SYNDIG1L: variants seen among roughly 807,000 people sequenced by gnomAD.
The protein encoded by SYNDIG1L is synapse differentiation-inducing gene protein 1-like.
SYNDIG1L carries 13 observed loss-of-function variants against 20.1 expected under a neutral mutation model. The ratio of observed to expected loss-of-function variants is 0.65; its 90% CI spans 0.42 to 1.03. The LOEUF (loss-of-function observed/expected upper bound fraction) is 1.03. SYNDIG1L is among the 50% of genes least tolerant of loss of function. The pLI is 0.00. For missense variants in SYNDIG1L, 294 were observed against 305.1 expected (o/e 0.96, Z 0.27); for synonymous variants, 128 against 129.3 (o/e 0.99, Z 0.07).
chr14:74,440,516 T>TTAA, the SYNDIG1L span, among the ~76,000 whole-genome samples: 2 of 97,224 alleles, frequency 2.1e-5, no homozygotes, highest in Non-Finnish European at 3.9e-5. Flanking sequence ...CTCCGTCTCA[T>TTAA]AAAAAAAAAA....
chr14:74,417,079 T>C (rs552766990), intron 1 of SYNDIG1L, among the ~76,000 whole-genome samples: 23 of 152,376 alleles, frequency 1.5e-4, no homozygotes, highest in African/African-American at 5.3e-4. Context: ...TCAAATGGGT[T>C]ATCTCATTTA....
the SYNDIG1L span, among the ~76,000 whole-genome samples, chr14:74,465,124 G>T: frequency 6.6e-6 from 1 of 152,176 alleles, no homozygotes; most frequent in African/African-American, 2.4e-5. Context: ...CCACCCATCT[G>T]GAGGGCTTCG....
intron 1 of SYNDIG1L, among the ~76,000 whole-genome samples, chr14:74,423,020 G>A (rs2086236078): frequency 6.6e-6 from 1 of 152,048 alleles, no homozygotes; most frequent in Non-Finnish European, 1.5e-5. Context: ...TAATGACCAT[G>A]TTGCATTTAT....
rs941675329 is a variant in SYNDIG1L, at chr14:74,407,413, C to A, written c.*122G>T. 7.9e-6 allele frequency: 11 copies of A among 1,395,050 alleles called. No homozygotes were observed. The highest frequency in any genetic ancestry group is 8.8e-6 in the Non-Finnish European group (9 of 1,023,774). The allele number at this position is 1,395,050 out of a possible 1,614,324, so 86.4% of individuals were successfully genotyped here. A position where few individuals can be genotyped will look rare whatever the true frequency, so the allele number is the denominator to read the frequency against. On this transcript the variant is annotated 3_prime_UTR_variant, in exon 4 of 4. Transcript: ENST00000331628. ...CAGGCTGTGGAATGGGGGTCTCCCCCTCAGCAAGCCACTCTCACGGGATCA... is the reference window on the plus strand; with the variant it reads ...CAGGCTGTGGAATGGGGGTCTCCCCATCAGCAAGCCACTCTCACGGGATCA...
At chr14:74,408,078 T>C in intron 2 of SYNDIG1L, 89 bp from the exon 3 acceptor site, 1 of 1,454,274 alleles carries the variant, frequency 6.9e-7, no homozygotes, top group East Asian at 2.4e-5. Context: ...CAATGCCCAG[T>C]GGCCAGTGAC....
the SYNDIG1L span, among the ~76,000 whole-genome samples, chr14:74,469,515 A>G: frequency 7.0e-6 from 1 of 142,226 alleles, no homozygotes; most frequent in African/African-American, 2.8e-5. Flanking sequence ...AACTTAAAGT[A>G]TAATAAAAAA....
upstream of SYNDIG1L, among the ~76,000 whole-genome samples, chr14:74,428,863 G>C (rs2086284508): frequency 6.6e-6 from 1 of 152,154 alleles, no homozygotes; most frequent in Non-Finnish European, 1.5e-5. Context: ...TGAAAACAGA[G>C]AGGAGAGATT....
the SYNDIG1L span, among the ~76,000 whole-genome samples, chr14:74,457,974 A>AT: frequency 6.6e-6 from 1 of 151,194 alleles, no homozygotes; most frequent in Non-Finnish European, 1.5e-5. Flanking sequence ...ATTTTTTTTT[A>AT]TTTTTTGTAG....
chr14:74,440,387 G>C, the SYNDIG1L span, among the ~76,000 whole-genome samples: 7 of 152,142 alleles, frequency 4.6e-5, no homozygotes, highest in South Asian at 6.2e-4. Context: ...GGTTGCAGGG[G>C]CCTGTAGTCC....
At chr14:74,451,885 G>A in the SYNDIG1L span, among the ~76,000 whole-genome samples, 1 of 151,566 alleles carries the variant, frequency 6.6e-6, no homozygotes, top group African/African-American at 2.4e-5. Context: ...AGCTACTTGG[G>A]AGGCTGAAGT....
At chr14:74,443,718 A>G in the SYNDIG1L span, among the ~76,000 whole-genome samples, 1 of 152,208 alleles carries the variant, frequency 6.6e-6, no homozygotes, top group African/African-American at 2.4e-5. Context: ...AAAATGCACT[A>G]AGCTCTCTTG....
chr14:74,421,300 C>T (rs1472941853), intron 1 of SYNDIG1L, among the ~76,000 whole-genome samples: 1 of 151,970 alleles, frequency 6.6e-6, no homozygotes, highest in Non-Finnish European at 1.5e-5. Context: ...TAAAGTAAGA[C>T]CTTTCAATGT....
chr14:74,440,041 T>C, the SYNDIG1L span, among the ~76,000 whole-genome samples: 1 of 152,100 alleles, frequency 6.6e-6, no homozygotes, highest in Non-Finnish European at 1.5e-5. Context: ...TTCAGTACAA[T>C]AGGAGATTAC....
chr14:74,447,414 C>A, the SYNDIG1L span, among the ~76,000 whole-genome samples: 13 of 152,000 alleles, frequency 8.6e-5, no homozygotes, highest in Non-Finnish European at 1.6e-4. Flanking sequence ...TGGTGAAACC[C>A]CGTGTCTAAT....
chr14:74,422,100 C>T (rs1271847178), intron 1 of SYNDIG1L, among the ~76,000 whole-genome samples: 1 of 152,210 alleles, frequency 6.6e-6, no homozygotes, highest in Non-Finnish European at 1.5e-5. Flanking sequence ...TGTCTCTCCG[C>T]TGAAGCAGCT....
the SYNDIG1L span, among the ~76,000 whole-genome samples, chr14:74,453,330 G>C: frequency 1.8e-5 from 2 of 111,712 alleles, no homozygotes; most frequent in African/African-American, 7.2e-5. Context: ...TCCAGCCTAG[G>C]CAATAGAGTG....
At chr14:74,442,854 T>A in the SYNDIG1L span, among the ~76,000 whole-genome samples, 3 of 152,140 alleles carry the variant, frequency 2.0e-5, no homozygotes, top group Non-Finnish European at 2.9e-5. Flanking sequence ...TTGTCCTGAA[T>A]GATGCCTGGG....
In SYNDIG1L at chr14:74,407,403, G is replaced by C. The variant is rs909143780; in HGVS notation, c.*132C>G. The C allele has an allele frequency of 5.8e-5, 75 of 1,286,508 alleles. No individual in the cohort carries two copies. Among genetic ancestry groups the C allele is most frequent in the Non-Finnish European group, 7.8e-5 (73 of 932,526 alleles). The allele number at this position is 1,286,508 out of a possible 1,614,324, so 79.7% of individuals were successfully genotyped here. On this transcript the variant is annotated 3_prime_UTR_variant, in exon 4 of 4. Coordinates refer to ENST00000331628, the MANE Select transcript of SYNDIG1L (RefSeq NM_001105579.2). Reference sequence around the variant, plus strand: ...CTGAGCTCTGCAGGCTGTGGAATGGGGGTCTCCCCCTCAGCAAGCCACTCT... The same window carrying C: ...CTGAGCTCTGCAGGCTGTGGAATGGCGGTCTCCCCCTCAGCAAGCCACTCT...
chr14:74,477,428 T>C, the SYNDIG1L span, among the ~76,000 whole-genome samples: 2 of 152,216 alleles, frequency 1.3e-5, no homozygotes, highest in Middle Eastern at 3.4e-3. Flanking sequence ...TCTTCCTATG[T>C]CTGGAGGGTG....
Sources: gnomAD v4.1 joint callset for allele counts (sites outside exome capture counted in the v4.1 genomes callset) on GRCh38, gnomAD v4.1.1 for gene constraint, MANE v1.5 for transcripts, NCBI Gene and HGNC (gene_info 2026-07-23, HGNC 2026-07-21) for gene names.